Variants in TMCO5A observed in about 807,000 individuals in gnomAD.
TMCO5A encodes transmembrane and coiled-coil domains 5A.
Under a neutral mutation model 42.3 loss-of-function variants are expected in TMCO5A, and 34 were observed. The ratio of observed to expected loss-of-function variants is 0.80; its 90% CI spans 0.61 to 1.07. The LOEUF (loss-of-function observed/expected upper bound fraction) is 1.07, where lower values mean the gene tolerates loss of function less well. Ranked by LOEUF, TMCO5A falls within the 50% of genes least tolerant of loss-of-function variation. The probability of loss-of-function intolerance (pLI) is 0.00; values close to 1 mark genes in which losing one functional copy is unlikely to be tolerated. For missense variants in TMCO5A, 357 were observed against 327.9 expected (o/e 1.09, Z -0.69); for synonymous variants, 131 against 115.6 (o/e 1.13, Z -0.86).
chr15:38,009,024 C>A, the TMCO5A span, among the ~76,000 whole-genome samples: 1 of 152,172 alleles, frequency 6.6e-6, no homozygotes, highest in East Asian at 1.9e-4. Flanking sequence ...AGCCTAAATC[C>A]TAAATCTAAA....
chr15:37,984,136 A>G, the TMCO5A span, among the ~76,000 whole-genome samples: 3 of 152,188 alleles, frequency 2.0e-5, no homozygotes, highest in Non-Finnish European at 4.4e-5. Flanking sequence ...ATGCTTCTGT[A>G]AAAAGTAAGG....
At chr15:38,025,223 G>T in the TMCO5A span, among the ~76,000 whole-genome samples, 1 of 151,518 alleles carries the variant, frequency 6.6e-6, no homozygotes, top group Non-Finnish European at 1.5e-5. Flanking sequence ...TGTGGTGTTT[G>T]GTGGAAGCAG....
the TMCO5A span, among the ~76,000 whole-genome samples, chr15:37,985,215 T>A: frequency 6.6e-6 from 1 of 152,054 alleles, no homozygotes; most frequent in African/African-American, 2.4e-5. Context: ...CAATAAAAGC[T>A]CCCTCTCACT....
At chr15:37,952,946 G>A (rs2140798165), downstream of TMCO5A, among the ~76,000 whole-genome samples, 1 of 152,328 alleles carries the variant, frequency 6.6e-6, no homozygotes, top group Middle Eastern at 3.4e-3. Flanking sequence ...ATAGGCCTAT[G>A]GTGGCAGTGG....
the TMCO5A span, among the ~76,000 whole-genome samples, chr15:37,991,397 T>C: frequency 1.3e-5 from 2 of 152,150 alleles, no homozygotes; most frequent in Non-Finnish European, 2.9e-5. Flanking sequence ...GGACTTTGGC[T>C]TCTCACAGTT....
chr15:38,017,378 G>A, the TMCO5A span, among the ~76,000 whole-genome samples: 6 of 152,124 alleles, frequency 3.9e-5, no homozygotes, highest in South Asian at 2.1e-4. Context: ...ATGGGAGTGC[G>A]TGGGGTCTTA....
intron 11 of TMCO5A, among the ~76,000 whole-genome samples, chr15:37,961,961 G>T (rs751844635): frequency 4.0e-5 from 6 of 151,892 alleles, no homozygotes; most frequent in Non-Finnish European, 8.8e-5. Context: ...GGTTTTCAAG[G>T]TAAACAATCA....
the TMCO5A span, among the ~76,000 whole-genome samples, chr15:38,010,860 C>A: frequency 6.6e-6 from 1 of 152,258 alleles, no homozygotes; most frequent in South Asian, 2.1e-4. Flanking sequence ...TCAAGTGATT[C>A]TTGTGCCTTA....
intron 1 of TMCO5A, 84 bp from the exon 2 acceptor site, chr15:37,935,172 CT>C (rs1169237431): frequency 2.6e-5 from 4 of 152,072 alleles, no homozygotes; most frequent in African/African-American, 9.7e-5. Flanking sequence ...TTGATTTCTA[CT>C]TTTTGGGACT....
At chr15:38,000,158 C>A in the TMCO5A span, among the ~76,000 whole-genome samples, 1 of 152,096 alleles carries the variant, frequency 6.6e-6, no homozygotes, top group African/African-American at 2.4e-5. Flanking sequence ...CAAGGCTTTT[C>A]TTTGCTAGAA....
chr15:38,032,766 C>A, the TMCO5A span, among the ~76,000 whole-genome samples: 1 of 152,128 alleles, frequency 6.6e-6, no homozygotes, highest in African/African-American at 2.4e-5. Context: ...TCACAAAACT[C>A]ATTCTGTCTT....
chr15:38,010,645 C>T, the TMCO5A span, among the ~76,000 whole-genome samples: 221 of 152,190 alleles, frequency 1.5e-3, 5 homozygotes, highest in South Asian at 0.045. Context: ...GCCTCCATAA[C>T]CATGAAAAAA....
chr15:38,028,992 T>A, the TMCO5A span, among the ~76,000 whole-genome samples: 1 of 152,162 alleles, frequency 6.6e-6, no homozygotes, highest in African/African-American at 2.4e-5. Context: ...CTATACTCAA[T>A]GGAACCTAAA....
the TMCO5A span, among the ~76,000 whole-genome samples, chr15:38,018,291 C>A: frequency 7.2e-6 from 1 of 139,156 alleles, no homozygotes; most frequent in South Asian, 2.1e-4. Context: ...GAAGACTTAA[C>A]TCTAAGTAAA....
At chr15:38,037,473 G>A in the TMCO5A span, among the ~76,000 whole-genome samples, 1 of 152,202 alleles carries the variant, frequency 6.6e-6, no homozygotes, top group Admixed American at 6.5e-5. Context: ...AGGGTAAGTA[G>A]AGTGATATTC....
downstream of TMCO5A, among the ~76,000 whole-genome samples, chr15:37,970,480 T>C (rs1436182154): frequency 1.3e-5 from 2 of 152,190 alleles, no homozygotes; most frequent in Non-Finnish European, 2.9e-5. Flanking sequence ...ACCATATCAT[T>C]CTGCCTCTGG....
the TMCO5A span, among the ~76,000 whole-genome samples, chr15:38,014,853 T>TTATATA: frequency 0.072 from 3,851 of 53,602 alleles, 473 homozygotes; most frequent in Non-Finnish European, 0.079. Context: ...AGGAGAAAGA[T>TTATATA]TATATATATA....
chr15:37,990,685 T>C, the TMCO5A span, among the ~76,000 whole-genome samples: 2 of 152,108 alleles, frequency 1.3e-5, no homozygotes, highest in Non-Finnish European at 2.9e-5. Flanking sequence ...ATATACCTTT[T>C]ATCTTTTTTC....
At chr15:37,966,081 G>T (rs1402540540) in intron 11 of TMCO5A, among the ~76,000 whole-genome samples, 1 of 152,080 alleles carries the variant, frequency 6.6e-6, no homozygotes, top group East Asian at 1.9e-4. Flanking sequence ...GCCATAAAAA[G>T]AAAATGAGAT....
Sources: gnomAD v4.1 joint callset for allele counts (sites outside exome capture counted in the v4.1 genomes callset) on GRCh38, gnomAD v4.1.1 for gene constraint, MANE v1.5 for transcripts, NCBI Gene and HGNC (gene_info 2026-07-23, HGNC 2026-07-21) for gene names.